Variants in CCSER1 observed in about 807,000 individuals in gnomAD.
CCSER1 encodes serine-rich coiled-coil domain-containing protein 1.
A neutral mutation model predicts 82.0 loss-of-function variants in CCSER1; 41 were observed. That is an observed-to-expected ratio of 0.50 (90% CI 0.39 to 0.65). CCSER1 has a LOEUF of 0.65. Ranked by LOEUF, CCSER1 falls within the 30% of genes least tolerant of loss-of-function variation. The pLI, the probability that CCSER1 is intolerant of heterozygous loss-of-function variation, is 0.00. For synonymous variants in CCSER1, 414 were observed against 383.9 expected, an observed-to-expected ratio of 1.08 and a Z score of -0.92; for missense variants, 1,119 against 1,064.2, an observed-to-expected ratio of 1.05 and a Z score of -0.72.
rs971438986 is a variant in CCSER1, at chr4:91,296,374, C to T, written c.2217+210380C>T. On this transcript the variant is annotated intron_variant, in intron 10 of 10. Transcript: ENST00000509176. ...GAATCCCATATACTATAATTTTTCCCTCCTAGAGACTTACAGTGTATAAAA... is the reference window on the plus strand; with the variant it reads ...GAATCCCATATACTATAATTTTTCCTTCCTAGAGACTTACAGTGTATAAAA... Among the ~76,000 whole-genome samples, 6 of 148,934 alleles carry T rather than the reference C, an allele frequency of 4.0e-5. No individual in the cohort carries two copies. In the East Asian group the frequency reaches 9.9e-4, roughly 25 times the overall value.
chr4:90,613,344 A>T (rs1294112840), intron 5 of CCSER1, among the ~76,000 whole-genome samples: 3 of 152,198 alleles, frequency 2.0e-5, no homozygotes, highest in African/African-American at 7.2e-5. Context: ...AAAATGTAGT[A>T]CTACTTGTTC....
chr4:91,279,943 A>C (rs915044395), intron 10 of CCSER1, among the ~76,000 whole-genome samples: 1 of 152,158 alleles, frequency 6.6e-6, no homozygotes, highest in Non-Finnish European at 1.5e-5. Flanking sequence ...TGTTCGTTGG[A>C]TAAGGTGCTT....
chr4:91,079,221 A>T (rs1320009520), intron 9 of CCSER1, among the ~76,000 whole-genome samples: 1 of 152,212 alleles, frequency 6.6e-6, no homozygotes, highest in Non-Finnish European at 1.5e-5. Context: ...CTAACAGCAG[A>T]TCTCTCAGCA....
At chr4:91,370,993 C>G (rs1750001908) in intron 10 of CCSER1, among the ~76,000 whole-genome samples, 1 of 152,028 alleles carries the variant, frequency 6.6e-6, no homozygotes. Flanking sequence ...TCCTGAGTAG[C>G]TGGGATTACA....
At chr4:91,537,926 T>C (rs1006210541) in intron 10 of CCSER1, among the ~76,000 whole-genome samples, 4 of 152,032 alleles carry the variant, frequency 2.6e-5, no homozygotes, top group African/African-American at 9.7e-5. Flanking sequence ...CCTGGTTCTA[T>C]ATTCTTTAAT....
intron 9 of CCSER1, among the ~76,000 whole-genome samples, chr4:90,996,283 T>C (rs957003292): frequency 2.6e-5 from 4 of 152,148 alleles, no homozygotes; most frequent in African/African-American, 9.6e-5. Flanking sequence ...TTTAACTTTC[T>C]GTTTCACAAG....
chr4:91,462,750 C>G (rs1209369827), intron 10 of CCSER1, among the ~76,000 whole-genome samples: 2 of 152,178 alleles, frequency 1.3e-5, no homozygotes, highest in African/African-American at 4.8e-5. Flanking sequence ...CCCACGGAGC[C>G]TCGCTCATTG....
chr4:91,326,775 C>G (rs1320311781), intron 10 of CCSER1, among the ~76,000 whole-genome samples: 1 of 152,148 alleles, frequency 6.6e-6, no homozygotes, highest in Non-Finnish European at 1.5e-5. Context: ...GGGGTACTGG[C>G]ATTGGTTAAA....
intron 3 of CCSER1, among the ~76,000 whole-genome samples, chr4:90,382,510 C>T (rs1264202253): frequency 6.6e-6 from 1 of 152,006 alleles, no homozygotes; most frequent in East Asian, 1.9e-4. Context: ...AATGTTTGTC[C>T]TTCTTTCTCT....
intron 7 of CCSER1, among the ~76,000 whole-genome samples, chr4:90,789,127 A>G (rs1300935159): frequency 6.6e-6 from 1 of 152,046 alleles, no homozygotes; most frequent in African/African-American, 2.4e-5. Context: ...TTTTACTTTC[A>G]GTTTATTTCT....
At chr4:90,940,260 T>C (rs761313669) in intron 9 of CCSER1, among the ~76,000 whole-genome samples, 3 of 152,016 alleles carry the variant, frequency 2.0e-5, no homozygotes, top group Non-Finnish European at 2.9e-5. Context: ...AGCAAAACAT[T>C]ATTTTTCTTC....
chr4:90,896,980 G>C (rs1389376170), intron 8 of CCSER1, among the ~76,000 whole-genome samples: 1 of 151,886 alleles, frequency 6.6e-6, no homozygotes, highest in East Asian at 1.9e-4. Flanking sequence ...GTAAAGAAAG[G>C]AGAGTGAAAT....
At chr4:91,409,352 A>G (rs1392827716) in intron 10 of CCSER1, among the ~76,000 whole-genome samples, 2 of 152,074 alleles carry the variant, frequency 1.3e-5, no homozygotes, top group South Asian at 2.1e-4. Context: ...TTGCTGTTCT[A>G]TTTATCACCA....
chr4:90,640,975 G>A (rs1176124622), intron 6 of CCSER1, among the ~76,000 whole-genome samples: 1 of 152,022 alleles, frequency 6.6e-6, no homozygotes, highest in Non-Finnish European at 1.5e-5. Flanking sequence ...TTGAATTTCA[G>A]CTCTCACAAT....
chr4:91,156,389 T>A (rs1181503714), intron 10 of CCSER1, among the ~76,000 whole-genome samples: 2 of 151,616 alleles, frequency 1.3e-5, no homozygotes, highest in African/African-American at 4.8e-5. Context: ...TCCCTACTTT[T>A]AAAAAAATTT....
intron 9 of CCSER1, among the ~76,000 whole-genome samples, chr4:91,072,073 G>T (rs990879143): frequency 1.3e-5 from 2 of 152,068 alleles, no homozygotes; most frequent in Admixed American, 1.3e-4. Flanking sequence ...TCTAGTTTCA[G>T]GATAAACTCT....
intron 3 of CCSER1, 36 bp downstream of exon 3, chr4:90,313,083 A>C: frequency 6.8e-7 from 1 of 1,464,410 alleles, no homozygotes; most frequent in Non-Finnish European, 9.4e-7. Flanking sequence ...TAATAAAATA[A>C]TGCTGTCTAT....
intron 10 of CCSER1, among the ~76,000 whole-genome samples, chr4:91,356,257 G>C (rs543681813): frequency 6.6e-6 from 1 of 152,240 alleles, no homozygotes; most frequent in Non-Finnish European, 1.5e-5. Context: ...AGTGTAAAGA[G>C]TTTTGTCAGG....
Position 90,309,447 on chromosome 4 carries a change from C to A in CCSER1, c.1163C>A (p.Thr388Lys). 1.2e-6 allele frequency: 2 copies of A among 1,613,740 alleles called. No individual in the cohort carries two copies. Among genetic ancestry groups the A allele is most frequent in the South Asian group, 2.2e-5 (2 of 91,076 alleles). Residue 388 changes from threonine to lysine, a missense_variant, in exon 2 of 11, where the codon ACA (threonine) becomes AAA (lysine). By Grantham distance (78) the Thr-to-Lys change is moderately conservative (BLOSUM62 -1). Coordinates refer to ENST00000509176, the MANE Select transcript of CCSER1 (RefSeq NM_001145065.2). ...GLQNGETMLG[T>K]NSPRKLGFYE... ...CAAAATGGTGAAACAATGCTGGGGACAAACTCCCCAAGGAAACTTGGATTT... is the reference window on the plus strand; with the variant it reads ...CAAAATGGTGAAACAATGCTGGGGAAAAACTCCCCAAGGAAACTTGGATTT...
Sources: gnomAD v4.1 joint callset for allele counts (sites outside exome capture counted in the v4.1 genomes callset) on GRCh38, gnomAD v4.1.1 for gene constraint, MANE v1.5 for transcripts, NCBI Gene and HGNC (gene_info 2026-07-23, HGNC 2026-07-21) for gene names.